Variants in NBAS observed in about 807,000 individuals in gnomAD.
The protein encoded by NBAS is NBAS subunit of NRZ tethering complex, also known as NAG/BC035112 fusion.
NBAS carries 219 observed loss-of-function variants against 302.5 expected under a neutral mutation model. The observed-to-expected ratio is 0.72, with a 90% CI of 0.65 to 0.81. The LOEUF (loss-of-function observed/expected upper bound fraction) is 0.81, where lower values mean the gene tolerates loss of function less well. Ranked by LOEUF, NBAS falls within the 30% of genes least tolerant of loss-of-function variation. The pLI is 0.00. For synonymous variants in NBAS, 1,118 were observed against 1,021.6 expected (o/e 1.09, Z -1.80); for missense variants, 2,932 against 2,841.6 (o/e 1.03, Z -0.72).
intron 48 of NBAS, among the ~76,000 whole-genome samples, chr2:15,210,199 G>A (rs1351554967): frequency 6.6e-5 from 10 of 151,924 alleles, no homozygotes; most frequent in South Asian, 6.2e-4. Flanking sequence ...CACACAGAAT[G>A]GGAAAAAATA....
the NBAS span, among the ~76,000 whole-genome samples, chr2:14,873,094 G>A: frequency 1.3e-5 from 2 of 152,164 alleles, no homozygotes; most frequent in East Asian, 3.8e-4. Context: ...TCCCTTAACT[G>A]GCCCCACCCA....
chr2:14,825,027 G>C, the NBAS span, among the ~76,000 whole-genome samples: 219 of 152,218 alleles, frequency 1.4e-3, no homozygotes, highest in African/African-American at 4.5e-3. Flanking sequence ...TCCACATAAA[G>C]TATTTTAATT....
chr2:15,154,845 C>A, the NBAS span, among the ~76,000 whole-genome samples: 1 of 152,170 alleles, frequency 6.6e-6, no homozygotes, highest in Non-Finnish European at 1.5e-5. Flanking sequence ...CCAACCTCCC[C>A]AGCCATGGAG....
At chr2:15,351,249 C>T (rs1572702310) in intron 35 of NBAS, among the ~76,000 whole-genome samples, 1 of 152,188 alleles carries the variant, frequency 6.6e-6, no homozygotes, top group South Asian at 2.1e-4. Context: ...ACAGGTAAAA[C>T]TAAACTATCA....
chr2:15,353,104 A>G (rs569806536), intron 34 of NBAS, among the ~76,000 whole-genome samples: 2 of 152,274 alleles, frequency 1.3e-5, no homozygotes, highest in Admixed American at 6.5e-5. Flanking sequence ...ATCCTCTCCT[A>G]TGCAGATCTA....
chr2:15,379,916 A>G, intron 29 of NBAS, 85 bp from the exon 30 acceptor site: 1 of 1,321,808 alleles, frequency 7.6e-7, no homozygotes, highest in Non-Finnish European at 1.1e-6. Context: ...TCCAAATGAA[A>G]GAAATTAAAA....
chr2:15,120,112 T>C, the NBAS span, among the ~76,000 whole-genome samples: 3 of 152,216 alleles, frequency 2.0e-5, no homozygotes, highest in African/African-American at 7.2e-5. Flanking sequence ...AAACAGGAAG[T>C]GTGGGAGGGT....
At chr2:15,347,988 A>G (rs1315480634) in intron 35 of NBAS, among the ~76,000 whole-genome samples, 1 of 152,242 alleles carries the variant, frequency 6.6e-6, no homozygotes, top group East Asian at 1.9e-4. Context: ...CATTATTTTC[A>G]CAAGTGAAGT....
rs149281005 is a variant in NBAS at position 15,527,626 on chromosome 2, C to T, written c.746+6917G>A. Among the ~76,000 whole-genome samples, 103 of 152,272 alleles carry T rather than the reference C, an allele frequency of 6.8e-4. 1 individual carries two copies. The highest frequency in any genetic ancestry group is 2.3e-3 in the African/African-American group (97 of 41,558). ...CGCACTCATGAGGGAGAAGTCCTAA[C>T]GGCCTCATCATGTCTTAAAGCCCTC... On this transcript the variant is annotated intron_variant, in intron 9 of 51. Coordinates refer to ENST00000281513, the MANE Select transcript of NBAS (RefSeq NM_015909.4).
intron 38 of NBAS, 79 bp from the exon 39 acceptor site, chr2:15,309,326 C>T: frequency 3.2e-6 from 4 of 1,234,456 alleles, no homozygotes; most frequent in Non-Finnish European, 4.6e-6. Context: ...GTTTTCAGCC[C>T]CATAAGATTT....
chr2:14,984,446 T>C, the NBAS span, among the ~76,000 whole-genome samples: 34 of 152,250 alleles, frequency 2.2e-4, 1 homozygote, highest in South Asian at 6.6e-3. Context: ...AGGTTGTGTG[T>C]TTTCAGCGTA....
At chr2:15,372,199 G>A (rs557476317) in intron 31 of NBAS, among the ~76,000 whole-genome samples, 2 of 152,048 alleles carry the variant, frequency 1.3e-5, no homozygotes, top group African/African-American at 2.4e-5. Context: ...AATATTCAAA[G>A]GCTGTTCATT....
the NBAS span, among the ~76,000 whole-genome samples, chr2:14,888,313 TAG>T: frequency 6.6e-6 from 1 of 152,066 alleles, no homozygotes; most frequent in Admixed American, 6.6e-5. Context: ...GTATTTTTAG[TAG>T]AGACAAGGTT....
the NBAS span, among the ~76,000 whole-genome samples, chr2:14,782,298 TACATGATCAGAC>T: frequency 6.6e-6 from 1 of 151,686 alleles, no homozygotes; most frequent in Non-Finnish European, 1.5e-5. Flanking sequence ...ATGGGCAAAA[TACATGATCAGAC>T]ACTTTTCAAA....
rs551991276 is a variant in NBAS at position 15,266,195 on chromosome 2, C to T, written c.5724+9289G>A. Among the ~76,000 whole-genome samples, 75 of 152,306 alleles carry T rather than the reference C, an allele frequency of 4.9e-4. 2 individuals are homozygous for T. In the South Asian group the frequency reaches 0.015, roughly 29 times the overall value. ...TCCATGATTGTAAGTTTCCTGAAGC[C>T]TCCCCAGCCATGAGTCAATTAAACC... On this transcript the variant is annotated intron_variant, in intron 44 of 51. Coordinates refer to ENST00000281513, the MANE Select transcript of NBAS (RefSeq NM_015909.4).
intron 30 of NBAS, among the ~76,000 whole-genome samples, chr2:15,375,714 C>T (rs4668445): frequency 0.63 from 95,823 of 152,016 alleles, 30,910 homozygotes; most frequent in Middle Eastern, 0.69. Flanking sequence ...TAAAAATTTA[C>T]ATTACAGATA....
intron 47 of NBAS, among the ~76,000 whole-genome samples, chr2:15,221,128 A>C (rs1666931961): frequency 6.6e-6 from 1 of 152,226 alleles, no homozygotes; most frequent in Admixed American, 6.5e-5. Flanking sequence ...GGATGCTACA[A>C]GTATTTCTGG....
chr2:15,040,932 G>A, the NBAS span, among the ~76,000 whole-genome samples: 1 of 152,136 alleles, frequency 6.6e-6, no homozygotes, highest in African/African-American at 2.4e-5. Flanking sequence ...TCTTTCATCA[G>A]TTTGTTTGCA....
chr2:15,541,020 C>T (rs866449139), intron 6 of NBAS, among the ~76,000 whole-genome samples: 1 of 152,008 alleles, frequency 6.6e-6, no homozygotes, highest in Non-Finnish European at 1.5e-5. Context: ...CACCGCACCC[C>T]GCCCATACGT....
Sources: gnomAD v4.1 joint callset for allele counts (sites outside exome capture counted in the v4.1 genomes callset) on GRCh38, gnomAD v4.1.1 for gene constraint, MANE v1.5 for transcripts, NCBI Gene and HGNC (gene_info 2026-07-23, HGNC 2026-07-21) for gene names.